KIF14: variants seen among roughly 807,000 people sequenced by gnomAD.
The protein encoded by KIF14 is kinesin family member 14.
Under a neutral mutation model 176.2 loss-of-function variants are expected in KIF14, and 98 were observed. That is an observed-to-expected ratio of 0.56 (90% confidence interval 0.47 to 0.66). The LOEUF is 0.66. KIF14 is among the 30% of genes least tolerant of loss of function. The pLI is 0.00. For synonymous variants in KIF14, 566 were observed against 632.2 expected, an observed-to-expected ratio of 0.90 and a Z score of 1.57; for missense variants, 1,751 against 1,920.4, an observed-to-expected ratio of 0.91 and a Z score of 1.65.
intron 14 of KIF14, among the ~76,000 whole-genome samples, chr1:200,596,313 G>A (rs1052557952): frequency 6.6e-6 from 1 of 152,100 alleles, no homozygotes; most frequent in Admixed American, 6.6e-5. Context: ...GTATTAGTAG[G>A]AAGAAACAGA....
At position 200,592,033 on chromosome 1, in the gene KIF14, T is replaced by C. The variant is rs142880055; in HGVS notation, c.2813+47A>G. The C allele has an allele frequency of 3.4e-6, 5 of 1,477,072 alleles. No individual in the cohort carries two copies. In the African/African-American group the frequency reaches 4.2e-5, roughly 12 times the overall value. 91.5% of individuals were successfully genotyped at this position (1,477,072 alleles called of 1,614,324 possible). A position where few individuals can be genotyped will look rare whatever the true frequency, so the allele number is the denominator to read the frequency against. On this transcript the variant is annotated intron_variant, in intron 16 of 29. Coordinates refer to ENST00000367350, the MANE Select transcript of KIF14 (RefSeq NM_014875.3). ...TGGCACAATGTGATTAACTCTGTTG[T>C]AGATCTCTCTCATACACTTACTATT...
chr1:200,565,213 C>T lies in KIF14; in HGVS notation c.3927G>A (p.Gln1309=), dbSNP rs1276794724. Residue 1309 remains glutamine, a synonymous_variant, in exon 25 of 30, where the codon CAG becomes CAA. Coordinates refer to ENST00000367350, the MANE Select transcript of KIF14 (RefSeq NM_014875.3). The part of the protein sequence containing the change: ...SDRAIQSLTI[Q]TACAFEQLVV... ...CTAGCTGCTCAAAAGCACATGCAGT[C>T]TGAATAGTAAGTGACTGGATTGCTC... The T allele has an allele frequency of 3.1e-6, 5 of 1,612,590 alleles. No homozygotes were observed. Among genetic ancestry groups the T allele is most frequent in the Admixed American group, 1.7e-5 (1 of 59,492 alleles).
rs148023849 is a variant in KIF14, at chr1:200,600,427, G to C, written c.2229C>G (p.Leu743=). The C allele has an allele frequency of 4.3e-5, 69 of 1,613,672 alleles. No individual in the cohort carries two copies. In the African/African-American group the frequency reaches 8.4e-4, roughly 20 times the overall value. The stretch of plus-strand genomic sequence containing the variant: ...TTAAGGATGTTATTTCTTGCCGACA[G>C]AGCCTGTATCGTTCAGGGTCAATAT... ...SRNIDPERYR[L]CRQEITSLRM... is the part of the protein sequence containing the mutation. The change falls in exon 12 of 30, where the codon CTC becomes CTG. Residue 743 remains leucine (L), a synonymous_variant. Coordinates refer to ENST00000367350, the MANE Select transcript of KIF14 (RefSeq NM_014875.3).
chr1:200,559,148 G>A (rs1656990556), intron 27 of KIF14, among the ~76,000 whole-genome samples, 182 bp downstream of exon 27: 1 of 152,198 alleles, frequency 6.6e-6, no homozygotes, highest in Non-Finnish European at 1.5e-5. Context: ...AATAGAGGCT[G>A]CAGTGACTCA....
chr1:200,606,692 T>A, intron 6 of KIF14, 54 bp downstream of exon 6: 3 of 1,383,976 alleles, frequency 2.2e-6, no homozygotes, highest in South Asian at 1.2e-5. Context: ...GAGAGTAACA[T>A]TCACTCTATT....
intron 2 of KIF14, among the ~76,000 whole-genome samples, chr1:200,617,256 C>A (rs964997517): frequency 6.6e-6 from 1 of 152,200 alleles, no homozygotes; most frequent in Non-Finnish European, 1.5e-5. Context: ...GCGTGACCCA[C>A]CACACCTGGC....
intron 4 of KIF14, among the ~76,000 whole-genome samples, chr1:200,612,653 G>A (rs1660211393): frequency 6.6e-6 from 1 of 152,068 alleles, no homozygotes; most frequent in African/African-American, 2.4e-5. Context: ...GAAGACAGAG[G>A]AGAGGCAGTA....
In KIF14 at chr1:200,560,611, C is replaced by T. The variant is rs1274613877; in HGVS notation, c.4230+111G>A. 3.5e-6 allele frequency: 4 copies of T among 1,158,086 alleles called. No homozygotes were observed. In the East Asian group the frequency reaches 9.5e-5, roughly 27 times the overall value. The allele number at this position is 1,158,086 out of a possible 1,614,324, so 71.7% of individuals were successfully genotyped here. A position where few individuals can be genotyped will look rare whatever the true frequency, so the allele number is the denominator to read the frequency against. ...TCTTATTGCAAAACTACTAAAAGTACAAGCTATTTTGAAAACTTAAAAAGA... is the reference window on the plus strand; with the variant it reads ...TCTTATTGCAAAACTACTAAAAGTATAAGCTATTTTGAAAACTTAAAAAGA... On this transcript the variant is annotated intron_variant, in intron 26 of 29. Transcript: ENST00000367350.
intron 4 of KIF14, among the ~76,000 whole-genome samples, chr1:200,610,239 G>A (rs985945082): frequency 6.6e-6 from 1 of 152,094 alleles, no homozygotes. Context: ...GGTGGCTCAC[G>A]CCTGTAATCC....
At chr1:200,605,000 T>A (rs926536733) in intron 8 of KIF14, among the ~76,000 whole-genome samples, 2 of 152,172 alleles carry the variant, frequency 1.3e-5, no homozygotes, top group Non-Finnish European at 2.9e-5. Context: ...AGTCATTTGG[T>A]CATTGACCAA....
At chr1:200,614,728 A>AT (rs1660319118) in intron 3 of KIF14, among the ~76,000 whole-genome samples, 2 of 12,500 alleles carry the variant, frequency 1.6e-4, no homozygotes, top group Non-Finnish European at 4.3e-4. Context: ...CCCGCTTGGG[A>AT]CCCCTCCACG....
In KIF14 at chr1:200,618,330, T is replaced by G; in HGVS notation, c.394A>C (p.Lys132Gln). 1 of 1,614,056 alleles carries G rather than the reference T, an allele frequency of 6.2e-7. No individual in the cohort carries two copies. Among genetic ancestry groups the G allele is most frequent in the South Asian group, 1.1e-5 (1 of 91,084 alleles). The change falls in exon 2 of 30, where the codon AAG (lysine) becomes CAG (glutamine). Residue 132 changes from lysine (K) to glutamine (Q), a missense_variant. Coordinates refer to ENST00000367350, the MANE Select transcript of KIF14 (RefSeq NM_014875.3). The part of the protein sequence containing the change: ...QRRAKTDSAE[K>Q]WKTAEIDSVK... Reference sequence around the variant, plus strand: ...GAATCTATTTCAGCTGTTTTCCACTTTTCTGCAGAATCTGTTTTAGCACGA... The same window carrying G: ...GAATCTATTTCAGCTGTTTTCCACTGTTCTGCAGAATCTGTTTTAGCACGA...
intron 4 of KIF14, among the ~76,000 whole-genome samples, chr1:200,610,949 A>C (rs1660128333): frequency 6.6e-6 from 1 of 152,190 alleles, no homozygotes; most frequent in South Asian, 2.1e-4. Flanking sequence ...AGAATAGGAA[A>C]GACACCCTGT....
At chr1:200,577,201 G>A (rs1397574233) in intron 21 of KIF14, among the ~76,000 whole-genome samples, 1 of 151,108 alleles carries the variant, frequency 6.6e-6, no homozygotes, top group Non-Finnish European at 1.5e-5. Flanking sequence ...GCACATGCCT[G>A]TAATCCCAGA....
Position 200,617,949 on chromosome 1 carries a change from T to A in KIF14, c.775A>T (p.Ile259Phe). 3.1e-6 allele frequency: 5 copies of A among 1,614,004 alleles called. No individual in the cohort carries two copies. The highest frequency in any genetic ancestry group is 3.4e-6 in the Non-Finnish European group (4 of 1,179,992). Residue 259 changes from isoleucine (I) to phenylalanine (F), a missense_variant, in exon 2 of 30, where the codon ATT (isoleucine) becomes TTT (phenylalanine). Transcript: ENST00000367350. The part of the protein sequence containing the change: ...LGTGNLYHRS[I>F]GKEIAKTSNK... ...GAAGTTTTTGCAATTTCCTTCCCAA[T>A]ACTTCTATGATACAAGTTTCCTGTT...
Position 200,600,406 on chromosome 1 carries a change from G to A in KIF14, c.2250C>T (p.Ser750=). The A allele has an allele frequency of 6.2e-7, 1 of 1,613,802 alleles. No homozygotes were observed. Among genetic ancestry groups the A allele is most frequent in the Non-Finnish European group, 8.5e-7 (1 of 1,179,758 alleles). Residue 750 remains serine (S), a synonymous_variant, in exon 12 of 30, where the codon TCC becomes TCT. Transcript: ENST00000367350. ...RYRLCRQEIT[S]LRMKLHQQER... is the part of the protein sequence containing the mutation. The stretch of plus-strand genomic sequence containing the variant: ...CCTGTTGATGCAGTTTCATTCTTAA[G>A]GATGTTATTTCTTGCCGACAGAGCC...
intron 18 of KIF14, among the ~76,000 whole-genome samples, chr1:200,587,866 A>C (rs1467054741): frequency 6.6e-6 from 1 of 152,110 alleles, no homozygotes; most frequent in Non-Finnish European, 1.5e-5. Flanking sequence ...AGATTTAAAC[A>C]GTTCTATGTT....
chr1:200,581,610 TA>T (rs2102655369), intron 19 of KIF14, among the ~76,000 whole-genome samples: 1 of 152,186 alleles, frequency 6.6e-6, no homozygotes, highest in South Asian at 2.1e-4. Flanking sequence ...TCCTCATTTC[TA>T]AATTATTTCA....
intron 5 of KIF14, 111 bp from the exon 6 acceptor site, chr1:200,606,909 T>G (rs1659910638): frequency 1.1e-6 from 1 of 925,420 alleles, no homozygotes; most frequent in Non-Finnish European, 1.7e-6. Context: ...TGTCTTTATT[T>G]TATCCAGGAA....
Sources: allele counts gnomAD v4.1 joint callset (sites outside exome capture counted in the v4.1 genomes callset), GRCh38; gene constraint gnomAD v4.1.1; transcripts MANE v1.5; gene names NCBI Gene and HGNC (gene_info 2026-07-23, HGNC 2026-07-21).